Variants in CROCC2 observed in about 807,000 individuals in gnomAD.
The protein encoded by CROCC2 is ciliary rootlet coiled-coil, rootletin family member 2.
Under a neutral mutation model 177.6 loss-of-function variants are expected in CROCC2, and 163 were observed. The ratio of observed to expected loss-of-function variants is 0.92; its 90% CI spans 0.81 to 1.05. The LOEUF is 1.05. Ranked by LOEUF, CROCC2 falls within the 50% of genes least tolerant of loss-of-function variation. The pLI, the probability that CROCC2 is intolerant of heterozygous loss-of-function variation, is 0.00. For missense variants in CROCC2, 1,929 were observed against 1,797.8 expected (o/e 1.07, Z -1.32); for synonymous variants, 904 against 787.3 (o/e 1.15, Z -2.48).
chr2:240,939,106 T>C (rs1274473033), intron 14 of CROCC2, among the ~76,000 whole-genome samples: 1 of 152,192 alleles, frequency 6.6e-6, no homozygotes, highest in Non-Finnish European at 1.5e-5. Context: ...TAATTTGATG[T>C]TTCACCATTA....
chr2:240,972,363 C>T lies in CROCC2; in HGVS notation c.4401+4101C>T, dbSNP rs745414071. Among the ~76,000 whole-genome samples, 36 of 152,000 alleles carry T rather than the reference C, an allele frequency of 2.4e-4. No homozygotes were observed. Among genetic ancestry groups the T allele is most frequent in the Non-Finnish European group, 3.5e-4 (24 of 68,016 alleles). On this transcript the variant is annotated intron_variant, in intron 27 of 31. Coordinates refer to ENST00000690015, the MANE Select transcript of CROCC2 (RefSeq NM_001351305.2). This position sits in a 1 kb window ranked among gnomAD's most constrained non-coding sequence, Gnocchi z 7.1. ...GTTCCTGAAGTGGGCGGGGTGGGAG[C>T]GGCGCTCTCCGGTGCACGGTCACGG...
intron 31 of CROCC2, among the ~76,000 whole-genome samples, chr2:240,992,239 A>AT (rs2059884684): frequency 6.6e-6 from 1 of 152,114 alleles, no homozygotes; most frequent in South Asian, 2.1e-4. Flanking sequence ...GTCATTTGTG[A>AT]TATCTGTGGG....
chr2:240,962,028 ACG>A (rs1259126594), intron 20 of CROCC2, among the ~76,000 whole-genome samples: 1 of 28,214 alleles, frequency 3.5e-5, no homozygotes. Flanking sequence ...ACACACACAC[ACG>A]CACGCACACA....
chr2:240,920,092 G>A lies in CROCC2; in HGVS notation c.339G>A (p.Glu113=), dbSNP rs2059349002. The part of the protein sequence containing the change: ...LGDLLAQASA[E]RDELASRCRV... ...ACCTGCTGGCCCAGGCCAGCGCCGA[G>A]CGAGATGAGCTGGCCAGCAGGTGCC... Residue 113 remains glutamate, a synonymous_variant, in exon 3 of 32, where the codon GAG becomes GAA. Transcript: ENST00000690015. The A allele has an allele frequency of 5.6e-6, 4 of 710,488 alleles. No homozygotes were observed. The highest frequency in any genetic ancestry group is 1.8e-5 in the African/African-American group (1 of 57,104). 44.0% of individuals were successfully genotyped at this position (710,488 alleles called of 1,614,324 possible).
rs375686456 is a variant in CROCC2 at position 240,918,418 on chromosome 2, C to T, written c.79-308C>T. The stretch of plus-strand genomic sequence containing the variant: ...CAGCATCCCCTAGGGAACTGGCAAC[C>T]GCTTAGCCAGCGCTCAGCCCAGCCC... On this transcript the variant is annotated intron_variant, in intron 1 of 31. Transcript: ENST00000690015. This position sits in a 1 kb window ranked among gnomAD's most constrained non-coding sequence, Gnocchi z 6.3. 3.3e-5 allele frequency among the ~76,000 whole-genome samples: 5 copies of T among 152,222 alleles called. No individual in the cohort carries two copies. Among genetic ancestry groups the T allele is most frequent in the East Asian group, 1.9e-4 (1 of 5,192 alleles).
chr2:240,946,212 G>T lies in CROCC2; in HGVS notation c.2322G>T (p.Glu774Asp). 6.5e-7 allele frequency: 1 copy of T among 1,545,376 alleles called. No individual in the cohort carries two copies. The highest frequency in any genetic ancestry group is 1.2e-5 in the South Asian group (1 of 83,880). Residue 774 changes from glutamate (E) to aspartate (D), a missense_variant, in exon 15 of 32, where the codon GAG becomes GAT. By Grantham distance (45) the Glu-to-Asp change is conservative. Transcript: ENST00000690015. The part of the protein sequence containing the change: ...AQLLAKQEAL[E>D]RQGRLAAEEA... ...TGCTGGCCAAGCAGGAGGCCTTGGA[G>T]AGGCAGGGCCGGCTCGCAGCTGAAG...
At chr2:240,928,281 A>T (rs2106458625) in intron 5 of CROCC2, among the ~76,000 whole-genome samples, 1 of 152,358 alleles carries the variant, frequency 6.6e-6, no homozygotes, top group South Asian at 2.1e-4. Context: ...GTACATTTTC[A>T]GCTTCAGTTT....
At chr2:240,985,853 C>A in intron 28 of CROCC2, 1 of 424,432 alleles carries the variant, frequency 2.4e-6, no homozygotes, top group Non-Finnish European at 4.8e-6. Flanking sequence ...CACTGGGGGT[C>A]TCACTGCCCC....
At chr2:240,932,214 CA>C (rs1195400063) in intron 7 of CROCC2, 103 bp from the exon 8 acceptor site, 2 of 627,240 alleles carry the variant, frequency 3.2e-6, no homozygotes, top group East Asian at 2.8e-5. Flanking sequence ...CCAGCACCGG[CA>C]GGGGGGCCAC....
At chr2:240,993,034 G>A (rs1574804858) in intron 31 of CROCC2, 32 bp from the exon 32 acceptor site, 1 of 715,912 alleles carries the variant, frequency 1.4e-6, no homozygotes, top group Non-Finnish European at 2.6e-6. Flanking sequence ...CGGGAATGCG[G>A]TGTCCACGCC....
At position 240,982,815 on chromosome 2, in the gene CROCC2, G is replaced by C. The variant is rs1446717030; in HGVS notation, c.4402-65G>C. 2 of 1,441,444 alleles carry C rather than the reference G, an allele frequency of 1.4e-6. No individual in the cohort carries two copies. Among genetic ancestry groups the C allele is most frequent in the African/African-American group, 2.8e-5 (2 of 70,330 alleles). The allele number at this position is 1,441,444 out of a possible 1,614,324, so 89.3% of individuals were successfully genotyped here. A position where few individuals can be genotyped will look rare whatever the true frequency, so the allele number is the denominator to read the frequency against. On this transcript the variant is annotated intron_variant, in intron 27 of 31. Transcript: ENST00000690015. The surrounding 1 kb of genome is among the most constrained non-coding windows in gnomAD (Gnocchi z 4.7). ...GTCTAGGCAGATGCCCTGAGGCCAG[G>C]GTTTCCCTGCAGGGCCTCCCACCCC...
In CROCC2 at chr2:240,949,660, G is replaced by T; in HGVS notation, c.2610G>T (p.Ala870=). 1 of 1,530,322 alleles carries T rather than the reference G, an allele frequency of 6.5e-7. No homozygotes were observed. The highest frequency in any genetic ancestry group is 1.2e-5 in the South Asian group (1 of 82,702). 94.8% of individuals were successfully genotyped at this position (1,530,322 alleles called of 1,614,324 possible). Residue 870 remains alanine, a synonymous_variant, in exon 17 of 32, where the codon GCG becomes GCT. Transcript: ENST00000690015. The surrounding 1 kb of genome is among the most constrained non-coding windows in gnomAD (Gnocchi z 4.5). The part of the protein sequence containing the change: ...REAQRALESQ[A]LAHREALAQL... ...CACAGCGGGCCCTGGAGAGCCAGGCGTTGGCCCACCGAGAGGCCCTGGCAC... is the reference window on the plus strand; with the variant it reads ...CACAGCGGGCCCTGGAGAGCCAGGCTTTGGCCCACCGAGAGGCCCTGGCAC...
chr2:240,959,665 A>C, intron 20 of CROCC2: 1 of 503,146 alleles, frequency 2.0e-6, no homozygotes, highest in East Asian at 3.4e-5. Context: ...CTCTCAGGGC[A>C]GATGAAATGG....
Position 240,953,915 on chromosome 2 carries a change from C to T in CROCC2, c.2830-1944C>T, listed in dbSNP as rs575796428. ...GAAGCTCTCACCCGAGAGAACGACACGCTTCTATATTTGATGAAGTTTTGC... is the reference window on the plus strand; with the variant it reads ...GAAGCTCTCACCCGAGAGAACGACATGCTTCTATATTTGATGAAGTTTTGC... On this transcript the variant is annotated intron_variant, in intron 18 of 31. Coordinates refer to ENST00000690015, the MANE Select transcript of CROCC2 (RefSeq NM_001351305.2). This position sits in a 1 kb window ranked among gnomAD's most constrained non-coding sequence, Gnocchi z 4.0. Among the ~76,000 whole-genome samples, 6 of 152,246 alleles carry T rather than the reference C, an allele frequency of 3.9e-5. No homozygotes were observed. The highest frequency in any genetic ancestry group is 2.1e-4 in the South Asian group (1 of 4,818).
intron 14 of CROCC2, among the ~76,000 whole-genome samples, chr2:240,941,868 A>G (rs2059496744): frequency 1.3e-5 from 2 of 152,330 alleles, no homozygotes; most frequent in Non-Finnish European, 1.5e-5. Context: ...TTTAGGCCAT[A>G]AGGGTTCCAC....
At position 240,965,739 on chromosome 2, in the gene CROCC2, C is replaced by T; in HGVS notation, c.3707C>T (p.Thr1236Ile). ...CGTGAGAGCCGGGGGGCTGAGCAGACCCTCCGAGCAGAGCTGCACAGTGTC... is the reference window on the plus strand; with the variant it reads ...CGTGAGAGCCGGGGGGCTGAGCAGATCCTCCGAGCAGAGCTGCACAGTGTC... ...HLRESRGAEQ[T>I]LRAELHSVTR... The change falls in exon 24 of 32, where the codon ACC (threonine) becomes ATC (isoleucine). Residue 1236 changes from threonine (T) to isoleucine (I), a missense_variant. By Grantham distance (89) the Thr-to-Ile change is moderately conservative (BLOSUM62 -1). Around this residue, in one of 3 missense-constraint regions of CROCC2, gnomAD observed 144 missense variants for 205.2 expected, o/e 0.70. Transcript: ENST00000690015. The T allele has an allele frequency of 1.3e-6, 2 of 1,540,610 alleles. No homozygotes were observed. Among genetic ancestry groups the T allele is most frequent in the Non-Finnish European group, 1.8e-6 (2 of 1,142,418 alleles).
At chr2:240,968,586 C>T (rs1012093703) in intron 27 of CROCC2, among the ~76,000 whole-genome samples, 3 of 152,216 alleles carry the variant, frequency 2.0e-5, no homozygotes, top group Non-Finnish European at 4.4e-5. Flanking sequence ...GGCAGAGCCC[C>T]AAGTCTAGGC....
chr2:240,912,762 C>A (rs891823269), intron 1 of CROCC2, among the ~76,000 whole-genome samples: 1 of 152,230 alleles, frequency 6.6e-6, no homozygotes, highest in Non-Finnish European at 1.5e-5. Flanking sequence ...CTGAAAGCAC[C>A]AACGTTCTAA....
chr2:240,917,475 A>G lies in CROCC2; in HGVS notation c.79-1251A>G, dbSNP rs531533317. On this transcript the variant is annotated intron_variant, in intron 1 of 31. Transcript: ENST00000690015. This position sits in a 1 kb window ranked among gnomAD's most constrained non-coding sequence, Gnocchi z 4.9. ...GAGGTCAGAGTCCGGGGACGCAAGC[A>G]GGGTCTCAGGGAGGGCCAAGAGATG... Among the ~76,000 whole-genome samples the G allele has an allele frequency of 9.9e-5, 15 of 152,212 alleles. No homozygotes were observed. Among genetic ancestry groups the G allele is most frequent in the Admixed American group, 8.5e-4 (13 of 15,300 alleles).
Sources: gnomAD v4.1 joint callset for allele counts (sites outside exome capture counted in the v4.1 genomes callset) on GRCh38, gnomAD v4.1.1 for gene constraint, gnomAD v4.1.1 regional missense constraint, Gnocchi (gnomAD v3.1) non-coding constraint, MANE v1.5 for transcripts, NCBI Gene and HGNC (gene_info 2026-07-23, HGNC 2026-07-21) for gene names.